Variants in ODF2 observed in about 807,000 individuals in gnomAD.
ODF2 encodes outer dense fiber protein 2.
A neutral mutation model predicts 110.2 loss-of-function variants in ODF2; 47 were observed. The ratio of observed to expected loss-of-function variants is 0.43; its 90% CI spans 0.34 to 0.54. The LOEUF (loss-of-function observed/expected upper bound fraction) is 0.54, where lower values mean the gene tolerates loss of function less well. ODF2 is among the 20% of genes least tolerant of loss of function. The probability of loss-of-function intolerance (pLI) is 0.03; values close to 1 mark genes in which losing one functional copy is unlikely to be tolerated. For missense variants in ODF2, 812 were observed against 1,054.5 expected (o/e 0.77, Z 3.19); for synonymous variants, 352 against 397.7 (o/e 0.89, Z 1.37).
At chr9:128,467,322 A>G (rs1838471828) in intron 4 of ODF2, among the ~76,000 whole-genome samples, 1 of 151,914 alleles carries the variant, frequency 6.6e-6, no homozygotes, top group Non-Finnish European at 1.5e-5. Flanking sequence ...CGGTAAAAAT[A>G]CGGTGTTTTG....
chr9:128,496,386 C>A (rs961882804), intron 18 of ODF2: 111 of 1,320,920 alleles, frequency 8.4e-5, no homozygotes, highest in Non-Finnish European at 1.1e-4. Context: ...CCTGTAGGCA[C>A]CACCTGTCCC....
chr9:128,500,777 T>C (rs1451885055), downstream of ODF2: 1 of 152,974 alleles, frequency 6.5e-6, no homozygotes, highest in African/African-American at 2.4e-5. Flanking sequence ...CCCAAGTTTC[T>C]TTGAGGCCAC....
chr9:128,457,206 CTG>C, exon 2 of ODF2: 1 of 1,549,620 alleles, frequency 6.5e-7, no homozygotes, highest in Middle Eastern at 1.7e-4. Flanking sequence ...AGGACAGTTG[CTG>C]TGCGACTTGG....
At chr9:128,462,010 A>G (rs1264300664) in intron 4 of ODF2, among the ~76,000 whole-genome samples, 1 of 152,212 alleles carries the variant, frequency 6.6e-6, no homozygotes, top group East Asian at 1.9e-4. Flanking sequence ...TACTTCACTA[A>G]TAATCAGTGA....
rs756876189 is a variant in ODF2, at chr9:128,474,362, G to A, written c.843+621G>A. Among the ~76,000 whole-genome samples the A allele has an allele frequency of 5.3e-5, 8 of 151,816 alleles. No individual in the cohort carries two copies. In the South Asian group the frequency reaches 1.3e-3, roughly 24 times the overall value. Reference sequence around the variant, plus strand: ...ACAAAAATTAGCCAGGTGTGGTGGCGTGCACCTGTAATCCCAGCTACTCTG... The same window carrying A: ...ACAAAAATTAGCCAGGTGTGGTGGCATGCACCTGTAATCCCAGCTACTCTG... On this transcript the variant is annotated intron_variant, in intron 8 of 20. Transcript: ENST00000604420.
At chr9:128,463,811 CTGAGG>C (rs1250438791) in intron 4 of ODF2, among the ~76,000 whole-genome samples, 1 of 109,152 alleles carries the variant, frequency 9.2e-6, no homozygotes, top group Non-Finnish European at 1.8e-5. Context: ...GTGATTGCCT[CTGAGG>C]TATGGCAAGG....
intron 8 of ODF2, among the ~76,000 whole-genome samples, chr9:128,475,596 C>T (rs576746393): frequency 6.6e-6 from 1 of 152,214 alleles, no homozygotes; most frequent in African/African-American, 2.4e-5. Flanking sequence ...CCCCAATGCC[C>T]CCCAGTTCCA....
intron 1 of ODF2, chr9:128,456,790 C>T (rs1232870700): frequency 7.5e-7 from 1 of 1,327,138 alleles, no homozygotes; most frequent in Non-Finnish European, 9.7e-7. Context: ...CCTCCCAGCC[C>T]GGCGTCTATC....
chr9:128,467,716 GC>G (rs1258460397), intron 4 of ODF2, among the ~76,000 whole-genome samples: 1 of 131,008 alleles, frequency 7.6e-6, no homozygotes, highest in Non-Finnish European at 1.5e-5. Flanking sequence ...CTGCACTCCA[GC>G]CTAGGCGATG....
At chr9:128,479,624 G>T (rs1373413010) in intron 8 of ODF2, among the ~76,000 whole-genome samples, 2 of 147,500 alleles carry the variant, frequency 1.4e-5, no homozygotes, top group East Asian at 4.1e-4. Flanking sequence ...TCCTCTTCTT[G>T]GTATCATCCC....
intron 4 of ODF2, among the ~76,000 whole-genome samples, chr9:128,466,931 T>C (rs1338809548): frequency 1.6e-5 from 2 of 125,404 alleles, no homozygotes; most frequent in Non-Finnish European, 3.2e-5. Context: ...GAGCCGAGAT[T>C]GCACCACTGC....
chr9:128,500,110 G>T (rs201020349), exon 21 of ODF2: 3 of 1,614,238 alleles, frequency 1.9e-6, no homozygotes, highest in African/African-American at 1.3e-5. Flanking sequence ...CTGAAAGATC[G>T]CCTGGAGCAG....
chr9:128,491,040 A>G (rs1844443271), intron 14 of ODF2, among the ~76,000 whole-genome samples: 1 of 151,732 alleles, frequency 6.6e-6, no homozygotes, highest in African/African-American at 2.4e-5. Flanking sequence ...TTTGGTAGAG[A>G]TGGCGTTTTA....
At chr9:128,475,200 A>G (rs949610523) in intron 8 of ODF2, among the ~76,000 whole-genome samples, 1 of 152,220 alleles carries the variant, frequency 6.6e-6, no homozygotes, top group Non-Finnish European at 1.5e-5. Context: ...GAGATGATTT[A>G]AAGTATATGG....
At chr9:128,477,547 C>A (rs1412972467) in intron 8 of ODF2, among the ~76,000 whole-genome samples, 1 of 151,494 alleles carries the variant, frequency 6.6e-6, no homozygotes, top group Non-Finnish European at 1.5e-5. Context: ...ACTGTCCCCC[C>A]AAAAAATTAT....
At position 128,482,896 on chromosome 9, in the gene ODF2, C is replaced by G; in HGVS notation, c.987+9C>G. ...AAATACAATGTGAGAAGGTAGTGTG[C>G]TTTTTTTTTTTTTTTTTTTAGACGG... On this transcript the variant is annotated intron_variant, in intron 10 of 20. Coordinates refer to ENST00000604420, the Ensembl canonical transcript of ODF2. 7.6e-7 allele frequency: 1 copy of G among 1,323,468 alleles called. No individual in the cohort carries two copies. Among genetic ancestry groups the G allele is most frequent in the Non-Finnish European group, 1.0e-6 (1 of 988,988 alleles). 82.0% of individuals were successfully genotyped at this position (1,323,468 alleles called of 1,614,324 possible). A position where few individuals can be genotyped will look rare whatever the true frequency, so the allele number is the denominator to read the frequency against.
chr9:128,461,007 C>A (rs1836298445), exon 4 of ODF2: 1 of 1,614,016 alleles, frequency 6.2e-7, no homozygotes, highest in South Asian at 1.1e-5. Flanking sequence ...GGGTGAAAAC[C>A]AAGGTACCTT....
chr9:128,457,156 C>T lies in ODF2; in HGVS notation c.-208-42C>T, dbSNP rs763464092. The T allele has an allele frequency of 4.7e-6, 7 of 1,496,660 alleles. No homozygotes were observed. The African/African-American group carries it at 5.6e-5, about 12-fold the overall frequency. 92.7% of individuals were successfully genotyped at this position (1,496,660 alleles called of 1,614,324 possible). On this transcript the variant is annotated intron_variant, in intron 1 of 20. Transcript: ENST00000604420. Reference sequence around the variant, plus strand: ...TCCCCTCCCCTTCCTCCCCTCTGCCCCCAGGTCGCTCAGCCTCTACTATTT... The same window carrying T: ...TCCCCTCCCCTTCCTCCCCTCTGCCTCCAGGTCGCTCAGCCTCTACTATTT...
At position 128,456,304 on chromosome 9, in the gene ODF2, G is replaced by A. The variant is rs1054058108; in HGVS notation, c.-209+49G>A. ...ATCCAGCGCCCTCCGGGGCACCGCGGGCGAGACCGTCGCCTTCGCACCCCC... is the reference window on the plus strand; with the variant it reads ...ATCCAGCGCCCTCCGGGGCACCGCGAGCGAGACCGTCGCCTTCGCACCCCC... On this transcript the variant is annotated intron_variant, in intron 1 of 20. Coordinates refer to ENST00000604420, the Ensembl canonical transcript of ODF2. The A allele has an allele frequency of 3.3e-6, 5 of 1,495,430 alleles. No individual in the cohort carries two copies. In the African/African-American group the frequency reaches 5.9e-5, roughly 18 times the overall value. The allele number at this position is 1,495,430 out of a possible 1,614,324, so 92.6% of individuals were successfully genotyped here.
Sources: allele counts gnomAD v4.1 joint callset (sites outside exome capture counted in the v4.1 genomes callset), GRCh38; gene constraint gnomAD v4.1.1; transcripts MANE v1.5; gene names NCBI Gene and HGNC (gene_info 2026-07-23, HGNC 2026-07-21).